The following SLC25A21 variants were observed in gnomAD, a reference collection of about 807,000 sequenced individuals.
The protein encoded by SLC25A21 is solute carrier family 25 member 21.
A neutral mutation model predicts 43.8 loss-of-function variants in SLC25A21; 47 were observed. That is an observed-to-expected ratio of 1.07 (90% confidence interval 0.85 to 1.37). SLC25A21 has a LOEUF of 1.37. SLC25A21 is among the 40% of genes most tolerant of loss of function. The pLI, the probability that SLC25A21 is intolerant of heterozygous loss-of-function variation, is 0.00. For synonymous variants in SLC25A21, 131 were observed against 121.3 expected (o/e 1.08, Z -0.52); for missense variants, 352 against 350.2 (o/e 1.00, Z -0.04).
intron 1 of SLC25A21, among the ~76,000 whole-genome samples, chr14:37,131,530 AG>A: frequency 6.6e-6 from 1 of 152,364 alleles, no homozygotes; most frequent in South Asian, 2.1e-4. Context: ...TTCTGCACAC[AG>A]TGAGATTAAA....
At chr14:37,075,676 G>T (rs1465984402) in intron 1 of SLC25A21, among the ~76,000 whole-genome samples, 4 of 152,116 alleles carry the variant, frequency 2.6e-5, no homozygotes, top group African/African-American at 4.8e-5. Flanking sequence ...AGACATCCCA[G>T]TTTATCTTTG....
At chr14:36,996,326 C>T (rs1960371213) in intron 1 of SLC25A21, among the ~76,000 whole-genome samples, 1 of 152,142 alleles carries the variant, frequency 6.6e-6, no homozygotes, top group African/African-American at 2.4e-5. Flanking sequence ...AGGTCCTCAC[C>T]TGGTCGGCAT....
chr14:36,853,309 T>C (rs572108520), intron 2 of SLC25A21, among the ~76,000 whole-genome samples: 16 of 152,328 alleles, frequency 1.1e-4, no homozygotes, highest in African/African-American at 3.8e-4. Context: ...TAAAGCATTT[T>C]ACAGCAGATT....
intron 2 of SLC25A21, among the ~76,000 whole-genome samples, chr14:36,817,830 G>T (rs1296340282): frequency 6.6e-6 from 1 of 152,118 alleles, no homozygotes; most frequent in African/African-American, 2.4e-5. Context: ...TAATTCCCAG[G>T]TGGGTTTTCT....
intron 3 of SLC25A21, among the ~76,000 whole-genome samples, chr14:36,813,210 C>T (rs1888332839): frequency 6.6e-6 from 1 of 152,086 alleles, no homozygotes; most frequent in East Asian, 1.9e-4. Flanking sequence ...GCTATCCCTC[C>T]CCTAGCCCCT....
intron 1 of SLC25A21, among the ~76,000 whole-genome samples, chr14:37,108,999 G>T (rs1198437837): frequency 1.3e-5 from 2 of 151,858 alleles, no homozygotes; most frequent in Non-Finnish European, 2.9e-5. Context: ...CTCACTAAGT[G>T]TACTCATCTC....
chr14:36,896,118 C>G (rs1170102211), intron 1 of SLC25A21, among the ~76,000 whole-genome samples: 2 of 152,150 alleles, frequency 1.3e-5, no homozygotes, highest in African/African-American at 2.4e-5. Flanking sequence ...TCTCGTTGAT[C>G]TGTCTAATGT....
intron 3 of SLC25A21, among the ~76,000 whole-genome samples, chr14:36,736,321 C>T (rs1284708876): frequency 1.3e-5 from 2 of 152,162 alleles, no homozygotes; most frequent in African/African-American, 2.4e-5. Flanking sequence ...TATGGCAATT[C>T]ATGAGTTGTC....
intron 1 of SLC25A21, among the ~76,000 whole-genome samples, chr14:37,117,543 A>G (rs1963127449): frequency 6.6e-6 from 1 of 152,178 alleles, no homozygotes; most frequent in Non-Finnish European, 1.5e-5. Context: ...AGAAATGAGA[A>G]TAAGTAATTT....
intron 2 of SLC25A21, among the ~76,000 whole-genome samples, chr14:36,841,679 C>T (rs1383847243): frequency 1.3e-5 from 2 of 152,178 alleles, no homozygotes; most frequent in Non-Finnish European, 1.5e-5. Context: ...GTGCCACTTC[C>T]GCCTATGCAT....
chr14:37,171,238 T>G (rs1964123424), intron 1 of SLC25A21, among the ~76,000 whole-genome samples: 1 of 152,042 alleles, frequency 6.6e-6, no homozygotes, highest in African/African-American at 2.4e-5. Flanking sequence ...AGTGTACAGA[T>G]TGTAAGTGAC....
At chr14:36,797,504 CA>C (rs796363278) in intron 3 of SLC25A21, among the ~76,000 whole-genome samples, 1 of 152,266 alleles carries the variant, frequency 6.6e-6, no homozygotes, top group South Asian at 2.1e-4. Context: ...ATGTAAGCTA[CA>C]TGAAACAGCA....
chr14:37,107,940 G>C (rs1962945257), intron 1 of SLC25A21, among the ~76,000 whole-genome samples: 1 of 152,166 alleles, frequency 6.6e-6, no homozygotes, highest in Non-Finnish European at 1.5e-5. Context: ...TGTTGGCCCA[G>C]TGGAATTATC....
intron 1 of SLC25A21, among the ~76,000 whole-genome samples, chr14:37,167,663 C>A (rs939194093): frequency 6.6e-6 from 1 of 152,112 alleles, no homozygotes; most frequent in Non-Finnish European, 1.5e-5. Flanking sequence ...AGATTCTGAC[C>A]CTTCCCAAGT....
chr14:36,952,227 T>G (rs113334451), intron 1 of SLC25A21: 6,747 of 153,500 alleles, frequency 0.044, 293 homozygotes, highest in Middle Eastern at 0.14. Context: ...CAAGATTCCA[T>G]CTCAAAAAGA....
chr14:36,968,467 G>C (rs1490825830), intron 1 of SLC25A21, among the ~76,000 whole-genome samples: 3 of 152,182 alleles, frequency 2.0e-5, no homozygotes, highest in African/African-American at 7.2e-5. Flanking sequence ...GCAGCCTAGA[G>C]GAAAGCCACC....
intron 3 of SLC25A21, among the ~76,000 whole-genome samples, chr14:36,740,296 G>T (rs1014157495): frequency 6.6e-6 from 1 of 152,136 alleles, no homozygotes; most frequent in African/African-American, 2.4e-5. Context: ...GTGATTGTCT[G>T]TGAAAGAACC....
At chr14:37,068,953 T>C (rs1962117203) in intron 1 of SLC25A21, among the ~76,000 whole-genome samples, 1 of 152,104 alleles carries the variant, frequency 6.6e-6, no homozygotes, top group Admixed American at 6.5e-5. Context: ...GGCGGGCAGA[T>C]AACGAGGTCA....
At chr14:36,805,405 CCT>C (rs541536548) in intron 3 of SLC25A21, among the ~76,000 whole-genome samples, 37 of 152,204 alleles carry the variant, frequency 2.4e-4, no homozygotes, top group Middle Eastern at 6.8e-3. Flanking sequence ...GAACAAAAGA[CCT>C]CTGATTTAGA....
Sources: allele counts gnomAD v4.1 joint callset (sites outside exome capture counted in the v4.1 genomes callset), GRCh38; gene constraint gnomAD v4.1.1; transcripts MANE v1.5; gene names NCBI Gene and HGNC (gene_info 2026-07-23, HGNC 2026-07-21).